Variants in TSHZ2 observed in about 807,000 individuals in gnomAD.
The protein encoded by TSHZ2 is teashirt homolog 2.
In TSHZ2, 21 loss-of-function variants were observed where a neutral mutation model predicts 74.4. That is an observed-to-expected ratio of 0.28 (90% confidence interval 0.20 to 0.41). The LOEUF is 0.41. Among genes scored for constraint, TSHZ2 ranks in the 10% least tolerant of loss-of-function variants. The probability of loss-of-function intolerance (pLI) is 1.00; values close to 1 mark genes in which losing one functional copy is unlikely to be tolerated. For synonymous variants in TSHZ2, 540 were observed against 515.3 expected (o/e 1.05, Z -0.65); for missense variants, 1,244 against 1,293.5 (o/e 0.96, Z 0.59).
chr20:53,067,225 C>T (rs1985019632), intron 1 of TSHZ2, among the ~76,000 whole-genome samples: 1 of 152,104 alleles, frequency 6.6e-6, no homozygotes, highest in Non-Finnish European at 1.5e-5. Context: ...AACAAGTGAT[C>T]CTCCCCCTTG....
At chr20:53,278,035 A>T (rs888293010) in intron 2 of TSHZ2, among the ~76,000 whole-genome samples, 6 of 152,164 alleles carry the variant, frequency 3.9e-5, no homozygotes, top group Admixed American at 1.3e-4. Flanking sequence ...ATTAAGTCAT[A>T]ATTCAAAGCT....
chr20:53,427,658 T>A (rs1983700981), intron 2 of TSHZ2, among the ~76,000 whole-genome samples: 2 of 152,204 alleles, frequency 1.3e-5, no homozygotes, highest in South Asian at 2.1e-4. Flanking sequence ...TAAGTTTGAA[T>A]AAGAGCCATG....
chr20:53,444,207 GCT>G (rs1377076123), intron 2 of TSHZ2, among the ~76,000 whole-genome samples: 3 of 152,170 alleles, frequency 2.0e-5, no homozygotes, highest in Admixed American at 1.3e-4. Flanking sequence ...TCCATTCTGA[GCT>G]CTGTTTGCTG....
intron 2 of TSHZ2, among the ~76,000 whole-genome samples, chr20:53,442,268 G>A (rs1438509613): frequency 2.0e-5 from 3 of 152,176 alleles, no homozygotes; most frequent in Admixed American, 6.5e-5. Flanking sequence ...CTCCTTCCAT[G>A]CCAGTTCCAG....
chr20:53,140,064 T>C (rs893465007), intron 1 of TSHZ2, among the ~76,000 whole-genome samples: 4 of 152,112 alleles, frequency 2.6e-5, no homozygotes, highest in Admixed American at 6.5e-5. Context: ...GCAAAGGTAC[T>C]GTTCTAGGCT....
chr20:53,132,883 AAT>A (rs1391750980), intron 1 of TSHZ2, among the ~76,000 whole-genome samples: 4 of 152,008 alleles, frequency 2.6e-5, no homozygotes, highest in Non-Finnish European at 1.5e-5. Flanking sequence ...TTTTTAAGTT[AAT>A]GTTTTGTCTT....
chr20:52,985,601 C>T (rs2122893281), intron 1 of TSHZ2, among the ~76,000 whole-genome samples: 1 of 152,300 alleles, frequency 6.6e-6, no homozygotes, highest in South Asian at 2.1e-4. Flanking sequence ...TTCTTAAAAT[C>T]ATCACCACGA....
At chr20:53,009,937 T>C (rs902191437) in intron 1 of TSHZ2, among the ~76,000 whole-genome samples, 1 of 152,232 alleles carries the variant, frequency 6.6e-6, no homozygotes. Flanking sequence ...GTTTCTAATA[T>C]GGCTTCGTGG....
At position 53,473,971 on chromosome 20, in the gene TSHZ2, G is replaced by A. The variant is rs1216261527; in HGVS notation, c.*9-13173G>A. ...AAGTTTAGAGAAAAAAGAATAAAAAGAAATGAGCAAAGCCTCCAAGAAATA... is the reference window on the plus strand; with the variant it reads ...AAGTTTAGAGAAAAAAGAATAAAAAAAAATGAGCAAAGCCTCCAAGAAATA... On this transcript the variant is annotated intron_variant, in intron 2 of 2. Transcript: ENST00000371497. 3.3e-5 allele frequency among the ~76,000 whole-genome samples: 5 copies of A among 152,026 alleles called. No individual in the cohort carries two copies. The East Asian group carries it at 9.7e-4, about 30-fold the overall frequency.
intron 2 of TSHZ2, among the ~76,000 whole-genome samples, chr20:53,260,291 G>T (rs1990577822): frequency 6.6e-6 from 1 of 152,198 alleles, no homozygotes; most frequent in South Asian, 2.1e-4. Context: ...TGAAGTAGAG[G>T]TTGATTCACT....
At chr20:53,085,191 C>T (rs1284296881) in intron 1 of TSHZ2, among the ~76,000 whole-genome samples, 1 of 151,884 alleles carries the variant, frequency 6.6e-6, no homozygotes, top group African/African-American at 2.4e-5. Context: ...GGTGAAACCT[C>T]ATCTCTACTA....
intron 1 of TSHZ2, among the ~76,000 whole-genome samples, chr20:53,223,228 A>C (rs1053538810): frequency 3.3e-5 from 5 of 152,164 alleles, no homozygotes; most frequent in African/African-American, 1.2e-4. Context: ...GGATTTCCCA[A>C]GTATGATATA....
At chr20:53,187,532 C>T (rs1007539207) in intron 1 of TSHZ2, among the ~76,000 whole-genome samples, 1 of 152,096 alleles carries the variant, frequency 6.6e-6, no homozygotes, top group Admixed American at 6.5e-5. Context: ...GTTCTGGAAG[C>T]GAGCAGTATC....
At chr20:53,208,376 T>G (rs1282359186) in intron 1 of TSHZ2, among the ~76,000 whole-genome samples, 1 of 152,186 alleles carries the variant, frequency 6.6e-6, no homozygotes, top group Non-Finnish European at 1.5e-5. Context: ...CAGCTACTGT[T>G]GCCTGCCCTG....
intron 2 of TSHZ2, among the ~76,000 whole-genome samples, chr20:53,353,084 A>G (rs1373984921): frequency 2.0e-5 from 3 of 152,222 alleles, no homozygotes; most frequent in Non-Finnish European, 4.4e-5. Context: ...AGGACTAGAA[A>G]ACAGGGAAAA....
At chr20:53,070,666 A>ATG (rs1028746941) in intron 1 of TSHZ2, among the ~76,000 whole-genome samples, 1 of 152,226 alleles carries the variant, frequency 6.6e-6, no homozygotes, top group South Asian at 2.1e-4. Context: ...ATGTGTGTGT[A>ATG]TGTGTGTGTG....
At chr20:53,237,572 C>T (rs560195750) in intron 1 of TSHZ2, among the ~76,000 whole-genome samples, 2 of 151,746 alleles carry the variant, frequency 1.3e-5, no homozygotes, top group South Asian at 2.1e-4. Context: ...AAAATATAGA[C>T]AAAAAAAGAT....
At chr20:53,321,743 G>C (rs527831954) in intron 2 of TSHZ2, among the ~76,000 whole-genome samples, 2 of 150,210 alleles carry the variant, frequency 1.3e-5, no homozygotes, top group African/African-American at 4.9e-5. Context: ...TGAGTGAAGG[G>C]AGGTGGAGAC....
rs972493681 is a variant in TSHZ2 at position 53,494,415 on chromosome 20, A to G, written c.*7280A>G. On this transcript the variant is annotated 3_prime_UTR_variant, in exon 3 of 3. Transcript: ENST00000371497. ...AACTCCCACATAACTTAAATCAGGC[A>G]AAAAGAAACATTCACAGCGTCCCCT... 6.6e-6 allele frequency: 1 copy of G among 152,204 alleles called. No homozygotes were observed. The highest frequency in any genetic ancestry group is 2.4e-5 in the African/African-American group (1 of 41,450). The allele number at this position is 152,204 out of a possible 1,614,324, so 9.4% of individuals were successfully genotyped here. A position where few individuals can be genotyped will look rare whatever the true frequency, so the allele number is the denominator to read the frequency against.
Sources: gnomAD v4.1 joint callset for allele counts (sites outside exome capture counted in the v4.1 genomes callset) on GRCh38, gnomAD v4.1.1 for gene constraint, MANE v1.5 for transcripts, NCBI Gene and HGNC (gene_info 2026-07-23, HGNC 2026-07-21) for gene names.